The following COQ7 variants were observed in gnomAD, a reference collection of about 807,000 sequenced individuals.
COQ7 encodes the protein coenzyme Q7, hydroxylase.
A neutral mutation model predicts 25.0 loss-of-function variants in COQ7; 21 were observed. That is an observed-to-expected ratio of 0.84 (90% CI 0.60 to 1.21). The LOEUF (loss-of-function observed/expected upper bound fraction) is 1.21. COQ7 is among the 50% of genes most tolerant of loss of function. COQ7 has a pLI of 0.00. For missense variants in COQ7, 311 were observed against 296.2 expected (o/e 1.05, Z -0.37); for synonymous variants, 125 against 112.4 (o/e 1.11, Z -0.71).
At chr16:19,075,950 G>A in intron 4 of COQ7, 90 bp downstream of exon 4, 1 of 1,530,558 alleles carries the variant, frequency 6.5e-7, no homozygotes, top group African/African-American at 1.4e-5. Context: ...GAGATTGTTA[G>A]GGGATGATGG....
rs72777502 is a variant in COQ7 at position 19,079,399 on chromosome 16, C to G, written c.*1241C>G. On this transcript the variant is annotated 3_prime_UTR_variant, in exon 6 of 6. Coordinates refer to ENST00000321998, the MANE Select transcript of COQ7 (RefSeq NM_016138.5). ...TTTCCTTAAGGTCTTTTACCACCTC[C>G]CCCCCAAAAAAATCCCCCAAAACTG... The G allele has an allele frequency of 2.6e-5, 4 of 151,100 alleles. No individual in the cohort carries two copies. The highest frequency in any genetic ancestry group is 9.8e-5 in the African/African-American group (4 of 41,016). 9.4% of individuals were successfully genotyped at this position (151,100 alleles called of 1,614,324 possible).
rs2142400288 is a variant in COQ7, at chr16:19,078,134, GAT to G, written c.635_636del (p.Tyr212PhefsTer41). On this transcript the variant is annotated frameshift_variant, in exon 6 of 6. Coordinates refer to ENST00000321998, the MANE Select transcript of COQ7 (RefSeq NM_016138.5). LOFTEE classifies it high-confidence loss of function. ...TTATCCAGGCCGGATGCAGAGTGGC[GAT>G]ATATTTATCAGAAAGATTATAAAGT... ...SIIQAGCRVA[I>X]YLSERL 1.2e-6 allele frequency: 2 copies of G among 1,611,324 alleles called. No homozygotes were observed. Among genetic ancestry groups the G allele is most frequent in the Non-Finnish European group, 1.7e-6 (2 of 1,178,828 alleles).
At chr16:19,077,201 C>A in intron 4 of COQ7, 105 bp from the exon 5 acceptor site, 1 of 933,368 alleles carries the variant, frequency 1.1e-6, no homozygotes, top group Non-Finnish European at 1.7e-6. Context: ...GAAAAGCTGG[C>A]CTCCCTGTCT....
intron 2 of COQ7, 130 bp downstream of exon 2, chr16:19,072,236 G>A (rs1962601650): frequency 1.8e-5 from 20 of 1,118,652 alleles, no homozygotes; most frequent in Non-Finnish European, 5.0e-6. Context: ...GCGAAGGTTG[G>A]TTCTTGGTGG....
At position 19,078,555 on chromosome 16, in the gene COQ7, A is replaced by G. The variant is rs957231611; in HGVS notation, c.*397A>G. Reference sequence around the variant, plus strand: ...ACTGCAGCCTGGACCTCCTAGCCTCAAGCAATCCACCCACCTCAGCCTTCC... The same window carrying G: ...ACTGCAGCCTGGACCTCCTAGCCTCGAGCAATCCACCCACCTCAGCCTTCC... On this transcript the variant is annotated 3_prime_UTR_variant, in exon 6 of 6. Coordinates refer to ENST00000321998, the MANE Select transcript of COQ7 (RefSeq NM_016138.5). The G allele has an allele frequency of 1.3e-5, 2 of 152,310 alleles. No homozygotes were observed. The highest frequency in any genetic ancestry group is 4.8e-5 in the African/African-American group (2 of 41,396). The allele number at this position is 152,310 out of a possible 1,614,324, so 9.4% of individuals were successfully genotyped here.
chr16:19,079,340 G>C lies in COQ7; in HGVS notation c.*1182G>C, dbSNP rs1351067540. 1 of 152,080 alleles carries C rather than the reference G, an allele frequency of 6.6e-6. No individual in the cohort carries two copies. Among genetic ancestry groups the C allele is most frequent in the Non-Finnish European group, 1.5e-5 (1 of 68,030 alleles). 9.4% of individuals were successfully genotyped at this position (152,080 alleles called of 1,614,324 possible). On this transcript the variant is annotated 3_prime_UTR_variant, in exon 6 of 6. Transcript: ENST00000321998. ...TTGCTTCCATCAAAGGATGTACTAA[G>C]TTGTGGATTATTTGTGAAATTGAAT...
At chr16:19,068,904 A>ATT (rs72532627) in intron 1 of COQ7, 1 of 312,548 alleles carries the variant, frequency 3.2e-6, no homozygotes, top group Non-Finnish European at 6.3e-6. Context: ...AAAAAAACAA[A>ATT]CAAATTAAAA....
intron 2 of COQ7, among the ~76,000 whole-genome samples, chr16:19,073,310 A>AAAAAACAAAAAAAACAAT (rs1461880890): frequency 7.6e-6 from 1 of 132,080 alleles, no homozygotes. Context: ...CTCCGTCTCA[A>AAAAAACAAAAAAAACAAT]AAAAACAAAA....
At chr16:19,077,961 A>G in intron 5 of COQ7, 120 bp from the exon 6 acceptor site, 1 of 628,544 alleles carries the variant, frequency 1.6e-6, no homozygotes, top group Non-Finnish European at 2.6e-6. Flanking sequence ...ACTAAAATAA[A>G]TTGTTCCTTA....
chr16:19,076,078 C>T (rs1962823025), intron 4 of COQ7, among the ~76,000 whole-genome samples: 1 of 151,992 alleles, frequency 6.6e-6, no homozygotes, highest in Non-Finnish European at 1.5e-5. Context: ...GAACCCTTGT[C>T]TCCTTTGTCT....
In COQ7 at chr16:19,078,338, T is replaced by C; in HGVS notation, c.*180T>C. On this transcript the variant is annotated 3_prime_UTR_variant, in exon 6 of 6. Coordinates refer to ENST00000321998, the MANE Select transcript of COQ7 (RefSeq NM_016138.5). Reference sequence around the variant, plus strand: ...TGTTGATTTTTCTCTGGGTTGTTTTTTCTGCCATGAGACCAACAGGTCACC... The same window carrying C: ...TGTTGATTTTTCTCTGGGTTGTTTTCTCTGCCATGAGACCAACAGGTCACC... The C allele has an allele frequency of 2.1e-6, 1 of 478,546 alleles. No homozygotes were observed. Among genetic ancestry groups the C allele is most frequent in the Non-Finnish European group, 3.6e-6 (1 of 281,452 alleles). 29.6% of individuals were successfully genotyped at this position (478,546 alleles called of 1,614,324 possible). A position where few individuals can be genotyped will look rare whatever the true frequency, so the allele number is the denominator to read the frequency against.
At chr16:19,071,623 G>A (rs1567539919) in intron 1 of COQ7, among the ~76,000 whole-genome samples, 1 of 152,238 alleles carries the variant, frequency 6.6e-6, no homozygotes, top group East Asian at 1.9e-4. Context: ...GGCGAAGTGG[G>A]CCAGAGGGTT....
At chr16:19,068,616 C>T in intron 1 of COQ7, 2 of 252,248 alleles carry the variant, frequency 7.9e-6, no homozygotes, top group South Asian at 7.5e-5. Flanking sequence ...TGCACCACTG[C>T]ACTGCAACCT....
intron 2 of COQ7, among the ~76,000 whole-genome samples, chr16:19,073,316 C>CAAAAAAAACCA (rs1555522097): frequency 2.7e-5 from 4 of 147,024 alleles, no homozygotes; most frequent in South Asian, 4.5e-4. Flanking sequence ...CTCAAAAAAA[C>CAAAAAAAACCA]AAAAAAAACC....
Position 19,078,224 on chromosome 16 carries a change from A to G in COQ7, c.*66A>G. 19 of 1,177,808 alleles carry G rather than the reference A, an allele frequency of 1.6e-5. No individual in the cohort carries two copies. Among genetic ancestry groups the G allele is most frequent in the Non-Finnish European group, 2.4e-5 (19 of 807,598 alleles). The allele number at this position is 1,177,808 out of a possible 1,614,324, so 73.0% of individuals were successfully genotyped here. A position where few individuals can be genotyped will look rare whatever the true frequency, so the allele number is the denominator to read the frequency against. On this transcript the variant is annotated 3_prime_UTR_variant, in exon 6 of 6. Coordinates refer to ENST00000321998, the MANE Select transcript of COQ7 (RefSeq NM_016138.5). ...TTTACCAAGTGACATTTGCAGAGAA[A>G]CAGGTGTACAGTTATCGTTGTACTT...
chr16:19,078,008 C>A, intron 5 of COQ7, 73 bp from the exon 6 acceptor site: 2 of 1,132,796 alleles, frequency 1.8e-6, no homozygotes, highest in South Asian at 1.5e-5. Context: ...AAAGCCTGCC[C>A]TGCCAGCCCT....
Position 19,068,118 on chromosome 16 carries a change from G to T in COQ7, c.73+381G>T, listed in dbSNP as rs1426134941. The T allele has an allele frequency of 3.7e-6, 4 of 1,071,500 alleles. No homozygotes were observed. In the African/African-American group the frequency reaches 6.7e-5, roughly 18 times the overall value. 66.4% of individuals were successfully genotyped at this position (1,071,500 alleles called of 1,614,324 possible). A position where few individuals can be genotyped will look rare whatever the true frequency, so the allele number is the denominator to read the frequency against. On this transcript the variant is annotated intron_variant, in intron 1 of 5. Coordinates refer to ENST00000321998, the MANE Select transcript of COQ7 (RefSeq NM_016138.5). ...CCAGGGCCTTGCCAGGCAAAGGGTA[G>T]CCCGACGACCAGCAGCCTCCGCTAC...
In COQ7 at chr16:19,071,957, C is replaced by T. The variant is rs746195092; in HGVS notation, c.103C>T (p.Arg35Cys). 1.3e-5 allele frequency: 21 copies of T among 1,614,086 alleles called. 1 individual carries two copies. In the South Asian group the frequency reaches 1.4e-4, roughly 11 times the overall value. ...AYGRRTSVRF[R>C]SSGMTLDNIS... ...TGGAAGAAGAACCAGTGTCAGATTT[C>T]GCAGTTCAGGAATGACTTTAGACAA... The change falls in exon 2 of 6, where the codon CGC becomes TGC. Residue 35 changes from arginine to cysteine, a missense_variant. Coordinates refer to ENST00000321998, the MANE Select transcript of COQ7 (RefSeq NM_016138.5).
intron 1 of COQ7, among the ~76,000 whole-genome samples, chr16:19,070,041 C>T (rs1962475477): frequency 6.6e-6 from 1 of 152,172 alleles, no homozygotes; most frequent in African/African-American, 2.4e-5. Context: ...GCCTCAGCTT[C>T]CCAAAGTGCT....
Sources: gnomAD v4.1 joint callset for allele counts (sites outside exome capture counted in the v4.1 genomes callset) on GRCh38, gnomAD v4.1.1 for gene constraint, MANE v1.5 for transcripts, NCBI Gene and HGNC (gene_info 2026-07-23, HGNC 2026-07-21) for gene names.